Variants in PRICKLE2 observed in about 807,000 individuals in gnomAD.
PRICKLE2 encodes the protein prickle-like protein 2.
In PRICKLE2, 21 loss-of-function variants were observed where a neutral mutation model predicts 81.4. The ratio of observed to expected loss-of-function variants is 0.26; its 90% CI spans 0.18 to 0.37. The LOEUF (loss-of-function observed/expected upper bound fraction) is 0.37, where lower values mean the gene tolerates loss of function less well. Ranked by LOEUF, PRICKLE2 falls within the 10% of genes least tolerant of loss-of-function variation. PRICKLE2 has a pLI of 1.00. For synonymous variants in PRICKLE2, 456 were observed against 421.5 expected (o/e 1.08, Z -1.00); for missense variants, 940 against 1,109.0 (o/e 0.85, Z 2.16).
chr3:64,214,349 A>G (rs2078838942), intron 1 of PRICKLE2, among the ~76,000 whole-genome samples: 1 of 152,208 alleles, frequency 6.6e-6, no homozygotes, highest in Non-Finnish European at 1.5e-5. Context: ...TTTACCAGAC[A>G]CCAATGCTGG....
intron 7 of PRICKLE2, among the ~76,000 whole-genome samples, chr3:64,119,431 G>A (rs1432930553): frequency 1.3e-5 from 2 of 152,074 alleles, no homozygotes; most frequent in African/African-American, 4.8e-5. Context: ...GAACACATAC[G>A]AGCTACCAAC....
In PRICKLE2 at chr3:64,132,481, C is replaced by T. The variant is rs141808386; in HGVS notation, c.1660+14349G>A. 9.6e-3 allele frequency among the ~76,000 whole-genome samples: 1,467 copies of T among 152,296 alleles called. 28 individuals carry two copies. Among genetic ancestry groups the T allele is most frequent in the Admixed American group, 0.039 (598 of 15,300 alleles). ...CTTCATTAGGTTTTCTTTAATTACC[C>T]CTTGAATATGCCATCTGCTTCCTGC... On this transcript the variant is annotated intron_variant, in intron 7 of 7. Coordinates refer to ENST00000638394, the MANE Select transcript of PRICKLE2 (RefSeq NM_198859.4).
Position 64,159,940 on chromosome 3 carries a change from C to T in PRICKLE2, c.396G>A (p.Gln132=), listed in dbSNP as rs1446878933. ...PVTMTGAICE[Q]CGGQINGGDI... ...TTCACTCCCCTGAATCCATGCTTAC[C>T]TGTTCACAAATAGCTCCTGTCATGG... Residue 132 remains glutamine (Q), a splice_region_variant and synonymous_variant, in exon 4 of 8, where the codon CAG becomes CAA. Coordinates refer to ENST00000638394, the MANE Select transcript of PRICKLE2 (RefSeq NM_198859.4). 6.2e-7 allele frequency: 1 copy of T among 1,614,142 alleles called. No individual in the cohort carries two copies. The highest frequency in any genetic ancestry group is 1.7e-5 in the Admixed American group (1 of 60,020).
chr3:64,171,282 C>T (rs1165909849), intron 2 of PRICKLE2, among the ~76,000 whole-genome samples: 3 of 152,092 alleles, frequency 2.0e-5, no homozygotes, highest in Non-Finnish European at 4.4e-5. Flanking sequence ...GCAATAATAC[C>T]CCCCAAGAGA....
intron 2 of PRICKLE2, among the ~76,000 whole-genome samples, chr3:64,178,535 G>A (rs565660301): frequency 3.1e-4 from 47 of 152,312 alleles, no homozygotes; most frequent in Non-Finnish European, 5.3e-4. Context: ...GACTGAGAAA[G>A]TACATTCCCC....
intron 7 of PRICKLE2, among the ~76,000 whole-genome samples, chr3:64,125,035 G>T (rs115292690): frequency 6.6e-6 from 1 of 152,130 alleles, no homozygotes. Context: ...AAGAACACTC[G>T]TGATTCATGA....
chr3:64,196,709 T>C (rs1367182461), intron 2 of PRICKLE2, among the ~76,000 whole-genome samples: 4 of 152,158 alleles, frequency 2.6e-5, no homozygotes, highest in African/African-American at 7.2e-5. Context: ...TCCCCTGTAG[T>C]GAGAATTAGA....
intron 7 of PRICKLE2, among the ~76,000 whole-genome samples, chr3:64,106,506 G>T (rs1386919131): frequency 6.6e-6 from 1 of 152,176 alleles, no homozygotes; most frequent in Non-Finnish European, 1.5e-5. Context: ...ATGAATTTGA[G>T]AAACAGGGCC....
At chr3:64,171,673 G>A (rs2077934171) in intron 2 of PRICKLE2, among the ~76,000 whole-genome samples, 1 of 152,216 alleles carries the variant, frequency 6.6e-6, no homozygotes, top group African/African-American at 2.4e-5. Flanking sequence ...AGCTGTCTGG[G>A]TTATTAGAGG....
chr3:64,155,353 C>G (rs963826528), intron 5 of PRICKLE2, among the ~76,000 whole-genome samples: 2 of 136,910 alleles, frequency 1.5e-5, no homozygotes, highest in South Asian at 2.5e-4. Flanking sequence ...ATACCCATTA[C>G]GATAGCTATA....
intron 2 of PRICKLE2, among the ~76,000 whole-genome samples, chr3:64,182,077 G>T (rs1046951562): frequency 6.6e-6 from 1 of 151,856 alleles, no homozygotes; most frequent in Non-Finnish European, 1.5e-5. Context: ...GTGGCCCTAT[G>T]GTCTGAATTT....
chr3:64,141,469 T>C (rs540734596), intron 7 of PRICKLE2, among the ~76,000 whole-genome samples: 1 of 152,354 alleles, frequency 6.6e-6, no homozygotes, highest in African/African-American at 2.4e-5. Context: ...TCAGTTGTTC[T>C]TGATGTTGTT....
chr3:64,221,722 CA>C (rs1486036398), intron 1 of PRICKLE2, among the ~76,000 whole-genome samples: 1 of 152,078 alleles, frequency 6.6e-6, no homozygotes, highest in Non-Finnish European at 1.5e-5. Flanking sequence ...AATTGCCACC[CA>C]GAATTCCTAT....
intron 1 of PRICKLE2, among the ~76,000 whole-genome samples, chr3:64,217,177 G>A (rs1313019041): frequency 6.6e-6 from 1 of 152,146 alleles, no homozygotes; most frequent in African/African-American, 2.4e-5. Flanking sequence ...TCCTCTGACA[G>A]CATCACAGCA....
At chr3:64,112,774 A>G (rs961879577) in intron 7 of PRICKLE2, among the ~76,000 whole-genome samples, 3 of 152,240 alleles carry the variant, frequency 2.0e-5, no homozygotes, top group Admixed American at 2.0e-4. Context: ...GACAAGGCCT[A>G]ATATACAGAA....
chr3:64,257,143 C>T (rs1422094888), intron 2 of PRICKLE2, among the ~76,000 whole-genome samples: 1 of 152,176 alleles, frequency 6.6e-6, no homozygotes, highest in Non-Finnish European at 1.5e-5. Flanking sequence ...ACATGTATCA[C>T]CAGGAGCAGT....
chr3:64,255,232 T>A (rs1014853456), intron 2 of PRICKLE2, among the ~76,000 whole-genome samples: 6 of 152,218 alleles, frequency 3.9e-5, no homozygotes, highest in African/African-American at 1.4e-4. Context: ...TGTGCATGCC[T>A]GAGCTTGCTG....
At chr3:64,253,624 C>G (rs1311320503) in intron 2 of PRICKLE2, among the ~76,000 whole-genome samples, 1 of 152,164 alleles carries the variant, frequency 6.6e-6, no homozygotes, top group Non-Finnish European at 1.5e-5. Context: ...CTTCGACATG[C>G]CTTATTTGGA....
At chr3:64,233,687 G>C (rs2079138252) in intron 2 of PRICKLE2, among the ~76,000 whole-genome samples, 1 of 152,182 alleles carries the variant, frequency 6.6e-6, no homozygotes, top group African/African-American at 2.4e-5. Context: ...ATCCTTTTAA[G>C]AAGAGTTATA....
Sources: gnomAD v4.1 joint callset for allele counts (sites outside exome capture counted in the v4.1 genomes callset) on GRCh38, gnomAD v4.1.1 for gene constraint, MANE v1.5 for transcripts, NCBI Gene and HGNC (gene_info 2026-07-23, HGNC 2026-07-21) for gene names.